RPGRIP1L: variants seen among roughly 807,000 people sequenced by gnomAD.
RPGRIP1L encodes RPGRIP1 like, also known as protein fantom.
In RPGRIP1L, 131 loss-of-function variants were observed where a neutral mutation model predicts 160.4. The ratio of observed to expected loss-of-function variants is 0.82; its 90% CI spans 0.71 to 0.94. The LOEUF (loss-of-function observed/expected upper bound fraction) is 0.94. Among genes scored for constraint, RPGRIP1L ranks in the 40% least tolerant of loss-of-function variants. The pLI, the probability that RPGRIP1L is intolerant of heterozygous loss-of-function variation, is 0.00. For missense variants in RPGRIP1L, 1,522 were observed against 1,535.8 expected (o/e 0.99, Z 0.15); for synonymous variants, 510 against 515.8 (o/e 0.99, Z 0.15).
At chr16:53,697,818 C>T (rs1463222679) in intron 2 of RPGRIP1L, among the ~76,000 whole-genome samples, 7 of 151,876 alleles carry the variant, frequency 4.6e-5, no homozygotes, top group Admixed American at 2.0e-4. Flanking sequence ...TCTGCCTGGC[C>T]GCCCATCGTC....
Position 53,652,697 on chromosome 16 carries a change from G to C in RPGRIP1L, c.1990C>G (p.His664Asp), listed in dbSNP as rs763167296. 7.4e-6 allele frequency: 12 copies of C among 1,613,950 alleles called. No homozygotes were observed. The highest frequency in any genetic ancestry group is 1.0e-5 in the Non-Finnish European group (12 of 1,179,978). Residue 664 changes from histidine (H) to aspartate (D), a missense_variant, in exon 15 of 27, where the codon CAT becomes GAT. His to Asp is a moderately conservative substitution (Grantham distance 81). Transcript: ENST00000647211. Reference sequence around the variant, plus strand: ...TATTGCAAAAATAAGTCATTAACATGAACAAGATATTGAGAAGTGAAGTTA... The same window carrying C: ...TATTGCAAAAATAAGTCATTAACATCAACAAGATATTGAGAAGTGAAGTTA... ...EYNFTSQYLVHVNDLFLQYIQ... is the reference protein window; with the variant it reads ...EYNFTSQYLVDVNDLFLQYIQ...
At chr16:53,637,977 T>A in intron 20 of RPGRIP1L, 123 bp from the exon 21 acceptor site, 1 of 931,020 alleles carries the variant, frequency 1.1e-6, no homozygotes. Flanking sequence ...AGATATGTAA[T>A]ATGTATGAGA....
chr16:53,602,748 TGA>T (rs1963448221), intron 26 of RPGRIP1L, among the ~76,000 whole-genome samples: 1 of 148,308 alleles, frequency 6.7e-6, no homozygotes, highest in African/African-American at 2.5e-5. Context: ...CACGCCAGCC[TGA>T]GAGACAAGAG....
At chr16:53,696,663 G>T (rs985942570) in intron 2 of RPGRIP1L, among the ~76,000 whole-genome samples, 3 of 152,068 alleles carry the variant, frequency 2.0e-5, no homozygotes, top group Non-Finnish European at 4.4e-5. Context: ...TTTTTACAAA[G>T]GCAAGAGTAA....
chr16:53,626,003 G>A (rs557695105), intron 22 of RPGRIP1L, among the ~76,000 whole-genome samples: 160 of 152,030 alleles, frequency 1.1e-3, no homozygotes, highest in East Asian at 8.9e-3. Flanking sequence ...CACAAACACT[G>A]CGGAAGGCTG....
intron 10 of RPGRIP1L, among the ~76,000 whole-genome samples, chr16:53,662,507 A>G (rs1267851854): frequency 3.3e-5 from 5 of 152,148 alleles, no homozygotes; most frequent in Non-Finnish European, 5.9e-5. Context: ...CTGGCAAAGA[A>G]CACTTGATAC....
In RPGRIP1L at chr16:53,611,042, A is replaced by G; in HGVS notation, c.3626T>C (p.Val1209Ala). The change falls in exon 25 of 27, where the codon GTG becomes GCG. Residue 1209 changes from valine (V) to alanine (A), a missense_variant. Coordinates refer to ENST00000647211, the MANE Select transcript of RPGRIP1L (RefSeq NM_015272.5). ...VYYNYSNVIY[V>A]DKENNKAKRD... is the part of the protein sequence containing the mutation. ...CTTTGCTTTGTTGTTTTCTTTATCCACGTAGATCACTATACCAAAAGAAAA... is the reference window on the plus strand; with the variant it reads ...CTTTGCTTTGTTGTTTTCTTTATCCGCGTAGATCACTATACCAAAAGAAAA... 6.2e-7 allele frequency: 1 copy of G among 1,611,010 alleles called. No individual in the cohort carries two copies. Among genetic ancestry groups the G allele is most frequent in the Non-Finnish European group, 8.5e-7 (1 of 1,177,620 alleles).
chr16:53,684,618 A>G (rs11863714), intron 6 of RPGRIP1L, among the ~76,000 whole-genome samples: 33,515 of 151,674 alleles, frequency 0.22, 5,285 homozygotes, highest in East Asian at 0.44. Flanking sequence ...GGGAGGGATA[A>G]CATTAGGAGA....
intron 3 of RPGRIP1L, chr16:53,694,815 T>C (rs1443068911): frequency 6.6e-6 from 1 of 152,606 alleles, no homozygotes; most frequent in Non-Finnish European, 1.5e-5. Flanking sequence ...CCTGGCCTAT[T>C]TACTTCTAAA....
At chr16:53,621,625 T>G (rs1307385540) in intron 23 of RPGRIP1L, among the ~76,000 whole-genome samples, 2 of 152,022 alleles carry the variant, frequency 1.3e-5, no homozygotes, top group Non-Finnish European at 2.9e-5. Context: ...GAAAGTAAGC[T>G]CTAAATAAAG....
Position 53,686,428 on chromosome 16 carries a change from C to G in RPGRIP1L, c.776+5G>C, listed in dbSNP as rs777940818. On this transcript the variant is annotated splice_donor_5th_base_variant and intron_variant, in intron 6 of 26. Coordinates refer to ENST00000647211, the MANE Select transcript of RPGRIP1L (RefSeq NM_015272.5). ...TATCAAAGTGATATTTCTGTTTTAA[C>G]ATACCTTTGATCTGTAGCTTGCTGT... 8 of 1,612,316 alleles carry G rather than the reference C, an allele frequency of 5.0e-6. No homozygotes were observed. The South Asian group carries it at 7.7e-5, about 15-fold the overall frequency.
chr16:53,678,209 C>A (rs563173247), intron 6 of RPGRIP1L, among the ~76,000 whole-genome samples: 19 of 151,714 alleles, frequency 1.3e-4, no homozygotes, highest in Admixed American at 5.2e-4. Flanking sequence ...GAGTTGCTGG[C>A]CCATCTCTAG....
At chr16:53,636,256 A>G (rs994174752) in intron 22 of RPGRIP1L, among the ~76,000 whole-genome samples, 183 bp downstream of exon 22, 9 of 152,230 alleles carry the variant, frequency 5.9e-5, no homozygotes, top group Non-Finnish European at 1.2e-4. Flanking sequence ...AGTCCATTAC[A>G]TAATGAAACC....
chr16:53,605,088 G>A (rs1312953788), intron 26 of RPGRIP1L, among the ~76,000 whole-genome samples: 3 of 151,996 alleles, frequency 2.0e-5, no homozygotes, highest in Admixed American at 2.0e-4. Context: ...GGCTGAGGTG[G>A]GAGAATTGCT....
rs1965940928 is a variant in RPGRIP1L at position 53,637,870 on chromosome 16, C to T, written c.3061-16G>A. The T allele has an allele frequency of 1.9e-6, 3 of 1,609,162 alleles. No individual in the cohort carries two copies. The highest frequency in any genetic ancestry group is 1.7e-5 in the Admixed American group (1 of 59,962). ...CTTGTGAAACCTGAAGAAATCAAAG[C>T]ACACTGGTATATTTATAATTGCTTA... On this transcript the variant is annotated splice_polypyrimidine_tract_variant and intron_variant, in intron 20 of 26. Transcript: ENST00000647211.
At chr16:53,653,541 T>C (rs538008892) in intron 14 of RPGRIP1L, 1 of 158,282 alleles carries the variant, frequency 6.3e-6, no homozygotes, top group African/African-American at 2.4e-5. Context: ...AAGCCAACAA[T>C]AATCAATTAA....
chr16:53,618,750 T>C (rs1964532958), intron 24 of RPGRIP1L, among the ~76,000 whole-genome samples: 8 of 152,076 alleles, frequency 5.3e-5, no homozygotes, highest in Admixed American at 5.2e-4. Flanking sequence ...TTTTGCCGTG[T>C]AGCCCAGGCT....
intron 7 of RPGRIP1L, 103 bp from the exon 8 acceptor site, chr16:53,673,119 C>G (rs546631794): frequency 8.7e-7 from 1 of 1,146,212 alleles, no homozygotes; most frequent in South Asian, 1.3e-5. Context: ...AATGAATTTA[C>G]TCCCGAAGTT....
intron 6 of RPGRIP1L, among the ~76,000 whole-genome samples, chr16:53,684,731 T>TA (rs746864261): frequency 5.4e-4 from 82 of 150,716 alleles, no homozygotes; most frequent in Admixed American, 9.3e-4. Context: ...CCCTAAAACT[T>TA]AAAGTATAAT....
Sources: allele counts gnomAD v4.1 joint callset (sites outside exome capture counted in the v4.1 genomes callset), GRCh38; gene constraint gnomAD v4.1.1; transcripts MANE v1.5; gene names NCBI Gene and HGNC (gene_info 2026-07-23, HGNC 2026-07-21).